The following RBMS3 variants were observed in gnomAD, a reference collection of about 807,000 sequenced individuals.
RBMS3 encodes the protein RNA binding motif single stranded interacting protein 3, also known as RNA-binding motif, single-stranded-interacting protein 3.
In RBMS3, 27 loss-of-function variants were observed where a neutral mutation model predicts 66.8. The ratio of observed to expected loss-of-function variants is 0.40; its 90% confidence interval spans 0.30 to 0.56. The LOEUF is 0.56. RBMS3 is among the 20% of genes least tolerant of loss of function. The pLI is 0.40. For missense variants in RBMS3, 513 were observed against 549.5 expected, an observed-to-expected ratio of 0.93 and a Z score of 0.66; for synonymous variants, 188 against 183.0, an observed-to-expected ratio of 1.03 and a Z score of -0.22.
chr3:29,891,638 G>A (rs1030731187), intron 8 of RBMS3, among the ~76,000 whole-genome samples: 3 of 151,428 alleles, frequency 2.0e-5, no homozygotes, highest in Non-Finnish European at 4.4e-5. Context: ...TTCATTGGGA[G>A]TTGCTGTATA....
chr3:29,485,765 A>G (rs914761577), intron 2 of RBMS3, among the ~76,000 whole-genome samples: 1 of 152,198 alleles, frequency 6.6e-6, no homozygotes, highest in African/African-American at 2.4e-5. Flanking sequence ...CAGGAGGCAC[A>G]TGGGACTTGT....
At chr3:29,982,162 G>C (rs547147175) in intron 12 of RBMS3, among the ~76,000 whole-genome samples, 1 of 152,228 alleles carries the variant, frequency 6.6e-6, no homozygotes, top group East Asian at 1.9e-4. Context: ...GAGGGTGTAT[G>C]TGTCCAGTAG....
At chr3:29,792,308 T>C (rs1388435686) in intron 6 of RBMS3, among the ~76,000 whole-genome samples, 1 of 152,188 alleles carries the variant, frequency 6.6e-6, no homozygotes, top group Non-Finnish European at 1.5e-5. Context: ...AGGTAGGTAC[T>C]AATCCAAACT....
chr3:29,559,855 G>T (rs566859702), intron 3 of RBMS3, among the ~76,000 whole-genome samples: 5 of 152,126 alleles, frequency 3.3e-5, no homozygotes, highest in African/African-American at 7.2e-5. Flanking sequence ...CTTTCAAAGG[G>T]CATTAACAAT....
chr3:29,687,898 A>G (rs535745531), intron 4 of RBMS3, among the ~76,000 whole-genome samples: 2 of 152,344 alleles, frequency 1.3e-5, no homozygotes, highest in South Asian at 4.1e-4. Flanking sequence ...CAAGTAGTAT[A>G]GAATGATAAT....
intron 6 of RBMS3, among the ~76,000 whole-genome samples, chr3:29,858,548 T>A (rs2059136227): frequency 6.6e-6 from 1 of 152,224 alleles, no homozygotes; most frequent in Admixed American, 6.5e-5. Flanking sequence ...CCAACTGATA[T>A]TTCTTGGAAG....
At chr3:29,657,330 C>T (rs1040723907) in intron 4 of RBMS3, among the ~76,000 whole-genome samples, 3 of 152,174 alleles carry the variant, frequency 2.0e-5, no homozygotes, top group Non-Finnish European at 2.9e-5. Context: ...ACTAGCTTCT[C>T]GATTTTCATT....
rs115372210 is a variant in RBMS3, at chr3:29,642,065, C to T, written c.399+54860C>T. Among the ~76,000 whole-genome samples the T allele has an allele frequency of 7.2e-3, 1,097 of 152,196 alleles. 13 individuals are homozygous for T. The highest frequency in any genetic ancestry group is 0.024 in the African/African-American group (998 of 41,554). ...TTCCACTTGTTAAAAGCAATAACTG[C>T]TTTCACTTACTGAACATGCACGCTG... On this transcript the variant is annotated intron_variant, in intron 4 of 14. Transcript: ENST00000383767.
chr3:29,802,851 G>A lies in RBMS3; in HGVS notation c.637+39862G>A, dbSNP rs546426955. ...GTTGTAACATTTATAAAATGGGAGT[G>A]TGTATATTCATACATTTTATCCTTA... On this transcript the variant is annotated intron_variant, in intron 6 of 14. Coordinates refer to ENST00000383767, the MANE Select transcript of RBMS3 (RefSeq NM_001003793.3). Among the ~76,000 whole-genome samples the A allele has an allele frequency of 1.3e-4, 20 of 152,196 alleles. No homozygotes were observed. The South Asian group carries it at 3.5e-3, about 27-fold the overall frequency.
intron 6 of RBMS3, among the ~76,000 whole-genome samples, chr3:29,815,486 C>T (rs2371832): frequency 0.051 from 7,816 of 152,138 alleles, 258 homozygotes; most frequent in Admixed American, 0.087. Context: ...GGCAATCCCT[C>T]TATACCTCAG....
intron 1 of RBMS3, among the ~76,000 whole-genome samples, chr3:29,362,772 G>A (rs2037676386): frequency 1.3e-5 from 2 of 152,174 alleles, no homozygotes; most frequent in South Asian, 2.1e-4. Flanking sequence ...ATATTTTAAG[G>A]TATTTTTAGG....
chr3:29,851,518 G>A (rs1038316233), intron 6 of RBMS3, among the ~76,000 whole-genome samples: 1 of 152,108 alleles, frequency 6.6e-6, no homozygotes, highest in African/African-American at 2.4e-5. Context: ...CTCAAAAACA[G>A]GTAGTTTGGT....
intron 1 of RBMS3, among the ~76,000 whole-genome samples, chr3:29,373,486 G>C (rs2038311392): frequency 6.6e-6 from 1 of 152,206 alleles, no homozygotes; most frequent in Non-Finnish European, 1.5e-5. Context: ...AGATGCAGAA[G>C]GGAAACAAGA....
chr3:29,553,808 T>TAAAAAAAAA (rs10634860), intron 3 of RBMS3, among the ~76,000 whole-genome samples: 1 of 142,264 alleles, frequency 7.0e-6, no homozygotes, highest in South Asian at 2.2e-4. Flanking sequence ...ACTGGCTAAT[T>TAAAAAAAAA]AAAAAAAAAA....
intron 6 of RBMS3, among the ~76,000 whole-genome samples, chr3:29,848,023 C>G (rs1022297316): frequency 3.9e-5 from 6 of 152,152 alleles, no homozygotes; most frequent in African/African-American, 1.4e-4. Flanking sequence ...GGCTGGAACA[C>G]TCATTCTCAA....
intron 2 of RBMS3, among the ~76,000 whole-genome samples, chr3:29,438,713 G>A (rs1336010637): frequency 6.6e-6 from 1 of 152,138 alleles, no homozygotes. Flanking sequence ...TTTTTCTTGA[G>A]ACACCTTAAG....
intron 3 of RBMS3, among the ~76,000 whole-genome samples, chr3:29,572,814 T>G (rs2046991319): frequency 6.6e-6 from 1 of 152,206 alleles, no homozygotes; most frequent in African/African-American, 2.4e-5. Flanking sequence ...CCTCCTCCCC[T>G]ATTTTTCAGA....
At chr3:29,768,358 A>G (rs1018614734) in intron 6 of RBMS3, among the ~76,000 whole-genome samples, 4 of 151,954 alleles carry the variant, frequency 2.6e-5, no homozygotes, top group Admixed American at 2.6e-4. Flanking sequence ...AAGGTAAAAA[A>G]GCTGTGTGCT....
chr3:29,624,754 C>A (rs2048997839), intron 4 of RBMS3, among the ~76,000 whole-genome samples: 1 of 151,794 alleles, frequency 6.6e-6, no homozygotes, highest in Non-Finnish European at 1.5e-5. Flanking sequence ...TCTTTGTTTC[C>A]CAAAGAATTT....
Sources: gnomAD v4.1 joint callset for allele counts (sites outside exome capture counted in the v4.1 genomes callset) on GRCh38, gnomAD v4.1.1 for gene constraint, MANE v1.5 for transcripts, NCBI Gene and HGNC (gene_info 2026-07-23, HGNC 2026-07-21) for gene names.